KLHL3: variants seen among roughly 807,000 people sequenced by gnomAD.
KLHL3 encodes kelch-like protein 3.
A neutral mutation model predicts 70.5 loss-of-function variants in KLHL3; 19 were observed. That is an observed-to-expected ratio of 0.27 (90% CI 0.19 to 0.40). KLHL3 has a LOEUF of 0.40. Ranked by LOEUF, KLHL3 falls within the 10% of genes least tolerant of loss-of-function variation. The pLI is 1.00. For missense variants in KLHL3, 512 were observed against 771.1 expected, an observed-to-expected ratio of 0.66 and a Z score of 3.98; for synonymous variants, 258 against 290.3, an observed-to-expected ratio of 0.89 and a Z score of 1.13.
intron 2 of KLHL3, among the ~76,000 whole-genome samples, chr5:137,712,839 CACAGAATTG>C (rs1249834948): frequency 7.9e-5 from 12 of 152,174 alleles, no homozygotes; most frequent in African/African-American, 2.9e-4. Flanking sequence ...CCCAGAGTGT[CACAGAATTG>C]ACATGTGCTG....
chr5:137,643,658 T>C (rs1031417751), intron 8 of KLHL3, among the ~76,000 whole-genome samples: 1 of 152,210 alleles, frequency 6.6e-6, no homozygotes, highest in Admixed American at 6.5e-5. Flanking sequence ...TTTGGATACA[T>C]GCATACATTG....
chr5:137,720,318 GA>G, intron 2 of KLHL3, 146 bp downstream of exon 2: 1 of 895,772 alleles, frequency 1.1e-6, no homozygotes, highest in Non-Finnish European at 1.7e-6. Flanking sequence ...AAAAAAGAGA[GA>G]AAGAAAGGGG....
chr5:137,695,906 C>T (rs545012952), intron 4 of KLHL3, among the ~76,000 whole-genome samples: 3 of 152,206 alleles, frequency 2.0e-5, no homozygotes, highest in Non-Finnish European at 4.4e-5. Context: ...ATCCACCCAT[C>T]AGGATGGAAG....
Position 137,692,361 on chromosome 5 carries a change from G to T in KLHL3, c.450C>A (p.Thr150=). The stretch of plus-strand genomic sequence containing the variant: ...CAAATGCACGGATGCCCAGGCAATT[G>T]GTGGGATGCAACTGAGACTGCAGGA... ...CDFLQSQLHP[T]NCLGIRAFAD... The change falls in exon 5 of 15, where the codon ACC becomes ACA. Residue 150 remains threonine, a synonymous_variant. Coordinates refer to ENST00000309755, the MANE Select transcript of KLHL3 (RefSeq NM_017415.3). 6.2e-7 allele frequency: 1 copy of T among 1,613,890 alleles called. No individual in the cohort carries two copies. Among genetic ancestry groups the T allele is most frequent in the Non-Finnish European group, 8.5e-7 (1 of 1,179,978 alleles).
chr5:137,726,655 T>C (rs1200607317), intron 1 of KLHL3, among the ~76,000 whole-genome samples: 1 of 152,106 alleles, frequency 6.6e-6, no homozygotes, highest in Non-Finnish European at 1.5e-5. Flanking sequence ...CCTACCTGCC[T>C]CACACTAGAT....
chr5:137,691,622 T>C (rs951029250), intron 5 of KLHL3, among the ~76,000 whole-genome samples: 1 of 151,884 alleles, frequency 6.6e-6, no homozygotes, highest in Non-Finnish European at 1.5e-5. Flanking sequence ...GACTTTTTTT[T>C]TTTTTTTAGA....
intron 5 of KLHL3, among the ~76,000 whole-genome samples, chr5:137,681,757 G>A (rs983934695): frequency 6.6e-6 from 1 of 152,048 alleles, no homozygotes; most frequent in Admixed American, 6.6e-5. Context: ...TTTAAGAGGG[G>A]TGGACACAGA....
intron 12 of KLHL3, among the ~76,000 whole-genome samples, chr5:137,632,443 T>C (rs974231490): frequency 1.3e-5 from 2 of 152,126 alleles, no homozygotes; most frequent in East Asian, 3.8e-4. Context: ...GTGTTGTATG[T>C]GGCTAGCCAC....
rs144874637 is a variant in KLHL3 at position 137,664,475 on chromosome 5, T to C, written c.637-2444A>G. On this transcript the variant is annotated intron_variant, in intron 6 of 14. Transcript: ENST00000309755. ...GACGGAATTAGAAAAACACCATTTC[T>C]GCAATACCACCAATGTAATAACTGA... Among the ~76,000 whole-genome samples the C allele has an allele frequency of 9.1e-4, 139 of 152,276 alleles. No homozygotes were observed. In the East Asian group the frequency reaches 0.024, roughly 26 times the overall value.
rs189053795 is a variant in KLHL3, at chr5:137,735,921, C to G, written c.-275G>C. On this transcript the variant is annotated 5_prime_UTR_variant, in exon 1 of 15. Coordinates refer to ENST00000309755, the MANE Select transcript of KLHL3 (RefSeq NM_017415.3). ...AAAAGCAGCAACCCACTTGCTCCCC[C>G]TCCCCCGCAGGCTTGCTGCTCCTTG... is the stretch of plus-strand genomic sequence containing the variant. The G allele has an allele frequency of 4.1e-4, 215 of 520,780 alleles. No homozygotes were observed. The highest frequency in any genetic ancestry group is 1.6e-3 in the Admixed American group (51 of 32,114). 32.3% of individuals were successfully genotyped at this position (520,780 alleles called of 1,614,324 possible).
rs4370266 is a variant in KLHL3, at chr5:137,640,130, A to G, written c.904-153T>C. Among the ~76,000 whole-genome samples the G allele has an allele frequency of 0.35, 53,886 of 152,024 alleles. 10,280 individuals carry two copies. Among genetic ancestry groups the G allele is most frequent in the East Asian group, 0.54 (2,761 of 5,160 alleles). On this transcript the variant is annotated intron_variant, in intron 8 of 14. Coordinates refer to ENST00000309755, the MANE Select transcript of KLHL3 (RefSeq NM_017415.3). ...ATACATGGGGATGCTGCTCCTGGTC[A>G]CCAACAGGTATGAGTATTCAAGAAA...
chr5:137,625,657 A>C, intron 14 of KLHL3, 96 bp downstream of exon 14: 1 of 1,451,200 alleles, frequency 6.9e-7, no homozygotes, highest in African/African-American at 1.4e-5. Context: ...CAAGTTAAGC[A>C]AGCTCACATC....
intron 12 of KLHL3, chr5:137,628,718 C>CAT (rs1561581566): frequency 9.6e-6 from 1 of 103,700 alleles, no homozygotes; most frequent in Admixed American, 1.4e-4. Context: ...TATATACACA[C>CAT]ACACAGACAG....
At chr5:137,726,186 C>T (rs1006132225) in intron 1 of KLHL3, among the ~76,000 whole-genome samples, 1 of 152,178 alleles carries the variant, frequency 6.6e-6, no homozygotes, top group African/African-American at 2.4e-5. Flanking sequence ...GCTTCAGTCA[C>T]AGCCCTCTGC....
intron 5 of KLHL3, among the ~76,000 whole-genome samples, chr5:137,682,401 CATAG>C (rs1401823767): frequency 6.3e-5 from 2 of 31,892 alleles, no homozygotes; most frequent in Admixed American, 3.9e-4. Flanking sequence ...GGGTGCTGGA[CATAG>C]AGAGAGAGAG....
chr5:137,649,333 G>A (rs930247354), intron 8 of KLHL3, among the ~76,000 whole-genome samples: 3 of 152,240 alleles, frequency 2.0e-5, no homozygotes, highest in African/African-American at 4.8e-5. Context: ...TGTGTTAGAT[G>A]TGTGCTCTCA....
At chr5:137,640,525 A>G (rs750850506) in intron 8 of KLHL3, among the ~76,000 whole-genome samples, 3 of 152,214 alleles carry the variant, frequency 2.0e-5, no homozygotes, top group Non-Finnish European at 4.4e-5. Flanking sequence ...TATTTCCACA[A>G]GTAAGGTAGT....
chr5:137,696,556 G>C (rs1339733992), intron 4 of KLHL3, among the ~76,000 whole-genome samples: 1 of 152,226 alleles, frequency 6.6e-6, no homozygotes, highest in Non-Finnish European at 1.5e-5. Context: ...TGGTACATAG[G>C]AAGTGCTCAG....
intron 6 of KLHL3, 44 bp from the exon 7 acceptor site, chr5:137,662,075 A>G: frequency 1.1e-6 from 1 of 888,912 alleles, no homozygotes; most frequent in South Asian, 1.5e-5. Context: ...AAGAGACAAA[A>G]GCTTTCAAAC....
Sources: allele counts gnomAD v4.1 joint callset (sites outside exome capture counted in the v4.1 genomes callset), GRCh38; gene constraint gnomAD v4.1.1; transcripts MANE v1.5; gene names NCBI Gene and HGNC (gene_info 2026-07-23, HGNC 2026-07-21).